DGKA: variants seen among roughly 807,000 people sequenced by gnomAD.
DGKA encodes diacylglycerol kinase alpha.
Under a neutral mutation model 105.0 loss-of-function variants are expected in DGKA, and 35 were observed. The ratio of observed to expected loss-of-function variants is 0.33; its 90% CI spans 0.25 to 0.44. The LOEUF is 0.44. Among genes scored for constraint, DGKA ranks in the 20% least tolerant of loss-of-function variants. The pLI is 1.00. For missense variants in DGKA, 665 were observed against 915.0 expected, an observed-to-expected ratio of 0.73 and a Z score of 3.53; for synonymous variants, 296 against 332.0, an observed-to-expected ratio of 0.89 and a Z score of 1.18.
At chr12:55,945,754 C>A (rs1169905934) in intron 17 of DGKA, among the ~76,000 whole-genome samples, 2 of 152,034 alleles carry the variant, frequency 1.3e-5, no homozygotes, top group African/African-American at 4.8e-5. Flanking sequence ...ATTGGTACCA[C>A]CCAGATGATC....
In DGKA at chr12:55,952,308, T is replaced by C; in HGVS notation, c.1653-33T>C. On this transcript the variant is annotated intron_variant, in intron 19 of 23. Transcript: ENST00000331886. The surrounding 1 kb of genome is among the most constrained non-coding windows in gnomAD (Gnocchi z 5.1). Reference sequence around the variant, plus strand: ...CTGCCAGCACTGTGTAACCTGTCCCTCCCTACTGGGCCTTGTGTTGGGGCT... The same window carrying C: ...CTGCCAGCACTGTGTAACCTGTCCCCCCCTACTGGGCCTTGTGTTGGGGCT... 1 of 1,608,012 alleles carries C rather than the reference T, an allele frequency of 6.2e-7. No individual in the cohort carries two copies. Among genetic ancestry groups the C allele is most frequent in the Non-Finnish European group, 8.5e-7 (1 of 1,174,476 alleles).
rs201377565 is a variant in DGKA at position 55,941,233 on chromosome 12, T to C, written c.1102-19T>C. ...CAAAATCCTGCTTTCTTTGTCCTTA[T>C]TTTCTTCCCCCAATGCAGATTGACC... On this transcript the variant is annotated intron_variant, in intron 13 of 23. Coordinates refer to ENST00000331886, the MANE Select transcript of DGKA (RefSeq NM_001345.5). 122 of 1,601,252 alleles carry C rather than the reference T, an allele frequency of 7.6e-5. No homozygotes were observed. The highest frequency in any genetic ancestry group is 2.7e-4 in the Admixed American group (16 of 59,372).
Position 55,939,261 on chromosome 12 carries a change from G to A in DGKA, c.550G>A (p.Gly184Arg). 1 of 1,614,186 alleles carries A rather than the reference G, an allele frequency of 6.2e-7. No individual in the cohort carries two copies. The highest frequency in any genetic ancestry group is 8.5e-7 in the Non-Finnish European group (1 of 1,180,024). Residue 184 changes from glycine to arginine, a missense_variant, in exon 8 of 24, where the codon GGG becomes AGG. This residue lies in a region of DGKA where 504 missense variants were observed against 681.2 expected (regional missense o/e 0.74). Coordinates refer to ENST00000331886, the MANE Select transcript of DGKA (RefSeq NM_001345.5). The part of the protein sequence containing the change: ...SVSQAEWVRA[G>R]ATTVPLLVLL... The stretch of plus-strand genomic sequence containing the variant: ...CTCTCAAGCTGAGTGGGTCCGGGCT[G>A]GGGCCACCACCGTGCCACTGCTAGT...
At chr12:55,934,140 A>G (rs1220811362) in intron 1 of DGKA, among the ~76,000 whole-genome samples, 1 of 152,214 alleles carries the variant, frequency 6.6e-6, no homozygotes, top group Non-Finnish European at 1.5e-5. Flanking sequence ...GCTAGGAAGG[A>G]GCAAGAAAGA....
At position 55,932,472 on chromosome 12, in the gene DGKA, C is replaced by T; in HGVS notation, c.-82+1128C>T. ...AAGGGTTCTTGTTTGGCCTCCAGGT[C>T]CCCAACTTCCCACCCCATCCTCTCC... On this transcript the variant is annotated intron_variant, in intron 1 of 23. Transcript: ENST00000331886. This position sits in a 1 kb window ranked among gnomAD's most constrained non-coding sequence, Gnocchi z 4.3. 1 of 697,812 alleles carries T rather than the reference C, an allele frequency of 1.4e-6. No individual in the cohort carries two copies. Among genetic ancestry groups the T allele is most frequent in the Non-Finnish European group, 2.6e-6 (1 of 381,988 alleles). 43.2% of individuals were successfully genotyped at this position (697,812 alleles called of 1,614,324 possible).
upstream of DGKA, chr12:55,927,839 G>A: frequency 6.6e-7 from 1 of 1,505,630 alleles, no homozygotes; most frequent in Non-Finnish European, 8.9e-7. Flanking sequence ...CGGGGATTCG[G>A]CGGCGAAGTG....
Position 55,952,351 on chromosome 12 carries a change from A to G in DGKA, c.1663A>G (p.Lys555Glu). Reference sequence around the variant, plus strand: ...TTGGGGCTGACACAGAATGAAGAACAAGCTATGGTACTTCGAATTTGCCAC... The same window carrying G: ...TTGGGGCTGACACAGAATGAAGAACGAGCTATGGTACTTCGAATTTGCCAC... ...PEKFNSRMKN[K>E]LWYFEFATSE... is the part of the protein sequence containing the mutation. Residue 555 changes from lysine (K) to glutamate (E), a missense_variant, in exon 20 of 24, where the codon AAG becomes GAG. By Grantham distance (56) the Lys-to-Glu change is moderately conservative. Transcript: ENST00000331886. The surrounding 1 kb of genome is among the most constrained non-coding windows in gnomAD (Gnocchi z 5.1). The G allele has an allele frequency of 6.2e-7, 1 of 1,614,122 alleles. No individual in the cohort carries two copies. The highest frequency in any genetic ancestry group is 8.5e-7 in the Non-Finnish European group (1 of 1,179,994).
upstream of DGKA, among the ~76,000 whole-genome samples, chr12:55,928,085 C>T (rs2136272512): frequency 6.6e-6 from 1 of 152,300 alleles, no homozygotes. Flanking sequence ...TGCAGACGAA[C>T]CCATATGGTC....
At chr12:55,935,894 G>C (rs941003948) in intron 1 of DGKA, 42 of 986,498 alleles carry the variant, frequency 4.3e-5, no homozygotes, top group Admixed American at 6.1e-5. Flanking sequence ...TGGCTGAGCG[G>C]AGCTGGGGTC....
chr12:55,928,582 G>A (rs1429328275), upstream of DGKA, among the ~76,000 whole-genome samples: 1 of 146,012 alleles, frequency 6.8e-6, no homozygotes, highest in Non-Finnish European at 1.5e-5. Context: ...GGAGGCTGAG[G>A]CAGAGAATTT....
intron 1 of DGKA, chr12:55,935,922 C>T: frequency 1.0e-6 from 1 of 986,226 alleles, no homozygotes; most frequent in Non-Finnish European, 1.2e-6. Context: ...AGAGGCGGAA[C>T]AAAATGGGGT....
intron 17 of DGKA, among the ~76,000 whole-genome samples, chr12:55,944,075 C>T (rs575750840): frequency 1.3e-5 from 2 of 152,238 alleles, no homozygotes; most frequent in South Asian, 2.1e-4. Flanking sequence ...GTCAGAAGAT[C>T]GCTTTAAGCC....
intron 17 of DGKA, among the ~76,000 whole-genome samples, chr12:55,950,391 C>T (rs1887923213): frequency 6.6e-6 from 1 of 151,922 alleles, no homozygotes; most frequent in Non-Finnish European, 1.5e-5. Flanking sequence ...ACTGCAAGCT[C>T]CACCTCCTGG....
upstream of DGKA, chr12:55,927,588 G>A: frequency 8.8e-7 from 1 of 1,137,040 alleles, no homozygotes. Flanking sequence ...TGTTTCTAGG[G>A]ACGGTTGGAG....
rs373378052 is a variant in DGKA at position 55,940,454 on chromosome 12, T to G, written c.918+21T>G. Reference sequence around the variant, plus strand: ...TAGAGGTCAGTTTGGGAGCCATCCCTTCTGGGTGCGTCTTACCCCGCAGAG... The same window carrying G: ...TAGAGGTCAGTTTGGGAGCCATCCCGTCTGGGTGCGTCTTACCCCGCAGAG... On this transcript the variant is annotated intron_variant, in intron 11 of 23. Transcript: ENST00000331886. This position sits in a 1 kb window ranked among gnomAD's most constrained non-coding sequence, Gnocchi z 4.3. 13 of 1,612,966 alleles carry G rather than the reference T, an allele frequency of 8.1e-6. No individual in the cohort carries two copies. In the African/African-American group the frequency reaches 1.6e-4, roughly 20 times the overall value.
At chr12:55,947,726 A>G (rs866272833) in intron 17 of DGKA, among the ~76,000 whole-genome samples, 1 of 152,152 alleles carries the variant, frequency 6.6e-6, no homozygotes, top group Non-Finnish European at 1.5e-5. Flanking sequence ...AGATATGAAC[A>G]TTTCTCTAGG....
At chr12:55,927,979 A>C (rs888866065), upstream of DGKA, 5 of 571,360 alleles carry the variant, frequency 8.8e-6, no homozygotes, top group African/African-American at 3.9e-5. Context: ...AAACTCGTCC[A>C]ACCGCTGAGG....
intron 17 of DGKA, among the ~76,000 whole-genome samples, chr12:55,949,962 C>T (rs1445342865): frequency 1.3e-5 from 2 of 152,008 alleles, no homozygotes; most frequent in Non-Finnish European, 2.9e-5. Flanking sequence ...AGTCACATGC[C>T]ACCACACCTG....
chr12:55,931,556 T>C (rs1883616059), intron 1 of DGKA: 1 of 152,134 alleles, frequency 6.6e-6, no homozygotes, highest in African/African-American at 2.4e-5. Context: ...TTTGGTCAGG[T>C]TGTGGAGTTT....
Sources: gnomAD v4.1 joint callset for allele counts (sites outside exome capture counted in the v4.1 genomes callset) on GRCh38, gnomAD v4.1.1 for gene constraint, gnomAD v4.1.1 regional missense constraint, Gnocchi (gnomAD v3.1) non-coding constraint, MANE v1.5 for transcripts, NCBI Gene and HGNC (gene_info 2026-07-23, HGNC 2026-07-21) for gene names.